HBB: variants seen among roughly 807,000 people sequenced by gnomAD.
HBB encodes hemoglobin subunit beta, also known as Hb Monza protein.
In HBB, 18 loss-of-function variants were observed where a neutral mutation model predicts 9.7. The observed-to-expected ratio is 1.86, with a 90% confidence interval of 1.28 to 2.76. The LOEUF (loss-of-function observed/expected upper bound fraction) is 2.76, where lower values mean the gene tolerates loss of function less well. Among genes scored for constraint, HBB ranks in the 30% most tolerant of loss-of-function variants. The probability of loss-of-function intolerance (pLI) is 0.00; values close to 1 mark genes in which losing one functional copy is unlikely to be tolerated. For missense variants in HBB, 156 were observed against 177.0 expected (o/e 0.88, Z 0.67); for synonymous variants, 99 against 73.6 (o/e 1.35, Z -1.77).
At chr11:5,226,884 G>C in intron 1 of HBB, 46 bp downstream of exon 1, 1 of 1,590,712 alleles carries the variant, frequency 6.3e-7, no homozygotes, top group South Asian at 1.1e-5. Flanking sequence ...CACATGCCCA[G>C]TTTCTATTGG....
rs770630710 is a variant in HBB, at chr11:5,226,563, T to TCC, written c.315+12_315+13dup. 5 of 1,611,248 alleles carry TCC rather than the reference T, an allele frequency of 3.1e-6. No homozygotes were observed. The Admixed American group carries it at 8.3e-5, about 27-fold the overall frequency. On this transcript the variant is annotated intron_variant, in intron 2 of 2. Coordinates refer to ENST00000335295, the MANE Select transcript of HBB (RefSeq NM_000518.5). ...AGAAGGGGAAAGAAAACATCAAGCG[T>TCC]CCCATAGACTCACCCTGAAGTTCTC...
Position 5,226,365 on chromosome 11 carries a change from A to C in HBB, c.315+212T>G, listed in dbSNP as rs2133587368. ...ATAATAGTAAAAATTGCGGAGAAGAAAAAAAAAGAAAGCAAGAATTAAACA... is the reference window on the plus strand; with the variant it reads ...ATAATAGTAAAAATTGCGGAGAAGACAAAAAAAGAAAGCAAGAATTAAACA... On this transcript the variant is annotated intron_variant, in intron 2 of 2. Coordinates refer to ENST00000335295, the MANE Select transcript of HBB (RefSeq NM_000518.5). 1.6e-6 allele frequency: 1 copy of C among 614,188 alleles called. No individual in the cohort carries two copies. Among genetic ancestry groups the C allele is most frequent in the Non-Finnish European group, 2.9e-6 (1 of 350,158 alleles). The allele number at this position is 614,188 out of a possible 1,614,324, so 38.0% of individuals were successfully genotyped here. A position where few individuals can be genotyped will look rare whatever the true frequency, so the allele number is the denominator to read the frequency against.
In HBB at chr11:5,226,932, G is replaced by T. The variant is rs35578002; in HGVS notation, c.90C>A (p.Gly30=). 2.5e-6 allele frequency: 4 copies of T among 1,612,532 alleles called. No individual in the cohort carries two copies. Among genetic ancestry groups the T allele is most frequent in the African/African-American group, 2.7e-5 (2 of 74,978 alleles). The change falls in exon 1 of 3, where the codon GGC becomes GGA. Residue 30 remains glycine (G), a splice_region_variant and synonymous_variant. Transcript: ENST00000335295. ...TGTCTTGTAACCTTGATACCAACCT[G>T]CCCAGGGCCTCACCACCAACTTCAT... is the stretch of plus-strand genomic sequence containing the variant. ...NVDEVGGEAL[G]RLLVVYPWTQ...
chr11:5,226,944 A>C lies in HBB; in HGVS notation c.78T>G (p.Gly26=), dbSNP rs373379910. 17 of 1,613,562 alleles carry C rather than the reference A, an allele frequency of 1.1e-5. No homozygotes were observed. The highest frequency in any genetic ancestry group is 1.4e-5 in the Non-Finnish European group (17 of 1,179,576). ...TTGATACCAACCTGCCCAGGGCCTC[A>C]CCACCAACTTCATCCACGTTCACCT... is the stretch of plus-strand genomic sequence containing the variant. The part of the protein sequence containing the change: ...WGKVNVDEVG[G]EALGRLLVVY... Residue 26 remains glycine (G), a synonymous_variant, in exon 1 of 3, where the codon GGT becomes GGG. Coordinates refer to ENST00000335295, the MANE Select transcript of HBB (RefSeq NM_000518.5).
In HBB at chr11:5,225,709, C is replaced by T. The variant is rs1215164743; in HGVS notation, c.333G>A (p.Leu111=). The T allele has an allele frequency of 1.9e-6, 3 of 1,614,096 alleles. No individual in the cohort carries two copies. Among genetic ancestry groups the T allele is most frequent in the East Asian group, 2.2e-5 (1 of 44,874 alleles). ...PENFRLLGNV[L]VCVLAHHFGK... ...CAAAGTGATGGGCCAGCACACAGAC[C>T]AGCACGTTGCCCAGGAGCTGTGGGA... The change falls in exon 3 of 3, where the codon CTG becomes CTA. Residue 111 remains leucine, a synonymous_variant. Transcript: ENST00000335295.
In HBB at chr11:5,226,641, C is replaced by T. The variant is rs1803195; in HGVS notation, c.251G>A (p.Gly84Asp). 6.2e-7 allele frequency: 1 copy of T among 1,614,092 alleles called. No individual in the cohort carries two copies. Among genetic ancestry groups the T allele is most frequent in the South Asian group, 1.1e-5 (1 of 91,074 alleles). Residue 84 changes from glycine to aspartate, a missense_variant, in exon 2 of 3, where the codon GGC becomes GAC. Transcript: ENST00000335295. ...CAGCTCACTCAGTGTGGCAAAGGTG[C>T]CCTTGAGGTTGTCCAGGTGAGCCAG... ...DGLAHLDNLK[G>D]TFATLSELHC... is the part of the protein sequence containing the mutation.
At position 5,226,347 on chromosome 11, in the gene HBB, T is replaced by TA. The variant is rs1282253170; in HGVS notation, c.315+229dup. On this transcript the variant is annotated intron_variant, in intron 2 of 2. Coordinates refer to ENST00000335295, the MANE Select transcript of HBB (RefSeq NM_000518.5). The stretch of plus-strand genomic sequence containing the variant: ...AATGTTAAGGCATTAAGTATAATAG[T>TA]AAAAATTGCGGAGAAGAAAAAAAAA... The TA allele has an allele frequency of 3.3e-6, 2 of 603,116 alleles. No homozygotes were observed. The highest frequency in any genetic ancestry group is 3.8e-5 in the African/African-American group (2 of 53,276). The allele number at this position is 603,116 out of a possible 1,614,324, so 37.4% of individuals were successfully genotyped here. A position where few individuals can be genotyped will look rare whatever the true frequency, so the allele number is the denominator to read the frequency against.
rs63750433 is a variant in HBB, at chr11:5,225,816, T to C, written c.316-90A>G. ...ATCCAGCCTTATCCCAACCATAAAATAAAAGCAGAATGGTAGCTGGATTGT... is the reference window on the plus strand; with the variant it reads ...ATCCAGCCTTATCCCAACCATAAAACAAAAGCAGAATGGTAGCTGGATTGT... On this transcript the variant is annotated intron_variant, in intron 2 of 2. Transcript: ENST00000335295. The C allele has an allele frequency of 4.4e-6, 6 of 1,373,980 alleles. No individual in the cohort carries two copies. In the East Asian group the frequency reaches 1.1e-4, roughly 26 times the overall value. 85.1% of individuals were successfully genotyped at this position (1,373,980 alleles called of 1,614,324 possible).
At position 5,226,278 on chromosome 11, in the gene HBB, A is replaced by T; in HGVS notation, c.315+299T>A. The T allele has an allele frequency of 7.4e-6, 4 of 539,358 alleles. No homozygotes were observed. Among genetic ancestry groups the T allele is most frequent in the East Asian group, 3.1e-5 (1 of 32,360 alleles). 33.4% of individuals were successfully genotyped at this position (539,358 alleles called of 1,614,324 possible). ...GGCAGACTGTGTAAAGTTTTTTTTT[A>T]AGTTACTTAATGTATCTCAGAGATA... On this transcript the variant is annotated intron_variant, in intron 2 of 2. Transcript: ENST00000335295.
Position 5,226,530 on chromosome 11 carries a change from C to G in HBB, c.315+47G>C, listed in dbSNP as rs1589892198. On this transcript the variant is annotated intron_variant, in intron 2 of 2. Coordinates refer to ENST00000335295, the MANE Select transcript of HBB (RefSeq NM_000518.5). ...CCCCTTCCTATGACATGAACTTAACCATAGAAAAGAAGGGGAAAGAAAACA... is the reference window on the plus strand; with the variant it reads ...CCCCTTCCTATGACATGAACTTAACGATAGAAAAGAAGGGGAAAGAAAACA... The G allele has an allele frequency of 2.6e-6, 4 of 1,552,438 alleles. No individual in the cohort carries two copies. The highest frequency in any genetic ancestry group is 1.7e-5 in the Admixed American group (1 of 59,900).
chr11:5,225,709 C>A lies in HBB; in HGVS notation c.333G>T (p.Leu111=). ...PENFRLLGNV[L]VCVLAHHFGK... ...CAAAGTGATGGGCCAGCACACAGACCAGCACGTTGCCCAGGAGCTGTGGGA... is the reference window on the plus strand; with the variant it reads ...CAAAGTGATGGGCCAGCACACAGACAAGCACGTTGCCCAGGAGCTGTGGGA... Residue 111 remains leucine (L), a synonymous_variant, in exon 3 of 3, where the codon CTG becomes CTT. Transcript: ENST00000335295. 2 of 1,614,096 alleles carry A rather than the reference C, an allele frequency of 1.2e-6. No homozygotes were observed. Among genetic ancestry groups the A allele is most frequent in the Non-Finnish European group, 1.7e-6 (2 of 1,179,982 alleles).
In HBB at chr11:5,225,910, A is replaced by G. The variant is rs193922557; in HGVS notation, c.316-184T>C. Among the ~76,000 whole-genome samples, 2 of 152,336 alleles carry G rather than the reference A, an allele frequency of 1.3e-5. No homozygotes were observed. The highest frequency in any genetic ancestry group is 3.9e-4 in the East Asian group (2 of 5,184). On this transcript the variant is annotated intron_variant, in intron 2 of 2. Transcript: ENST00000335295. ...TATATGCAGAAATATTTATATGCAG[A>G]GATATTGCTATTGCCTTAACCCAGA...
chr11:5,226,835 G>A lies in HBB; in HGVS notation c.93-36C>T, dbSNP rs199587927. On this transcript the variant is annotated intron_variant, in intron 1 of 2. Transcript: ENST00000335295. ...GAAAATAGACCAATAGGCAGAGAGA[G>A]TCAGTGCCTATCAGAAACCCAAGAG... The A allele has an allele frequency of 6.3e-6, 10 of 1,592,420 alleles. No homozygotes were observed. The East Asian group carries it at 1.3e-4, about 21-fold the overall frequency.
rs33985847 is a variant in HBB, at chr11:5,226,662, G to T, written c.230C>A (p.Ala77Asp). 1 of 1,614,090 alleles carries T rather than the reference G, an allele frequency of 6.2e-7. No homozygotes were observed. The highest frequency in any genetic ancestry group is 8.5e-7 in the Non-Finnish European group (1 of 1,180,030). The change falls in exon 2 of 3, where the codon GCT becomes GAT. Residue 77 changes from alanine (A) to aspartate (D), a missense_variant. Transcript: ENST00000335295. ...KVLGAFSDGL[A>D]HLDNLKGTFA... is the part of the protein sequence containing the mutation. Reference sequence around the variant, plus strand: ...GGTGCCCTTGAGGTTGTCCAGGTGAGCCAGGCCATCACTAAAGGCACCGAG... The same window carrying T: ...GGTGCCCTTGAGGTTGTCCAGGTGATCCAGGCCATCACTAAAGGCACCGAG...
chr11:5,226,507 C>A, intron 2 of HBB, 70 bp downstream of exon 2: 1 of 1,391,120 alleles, frequency 7.2e-7, no homozygotes, highest in Non-Finnish European at 1.0e-6. Flanking sequence ...TTACTTATCC[C>A]CTTCCTATGA....
In HBB at chr11:5,226,911, T is replaced by G; in HGVS notation, c.92+19A>C. ...TTCTATTGGTCTCCTTAAACCTGTCTTGTAACCTTGATACCAACCTGCCCA... is the reference window on the plus strand; with the variant it reads ...TTCTATTGGTCTCCTTAAACCTGTCGTGTAACCTTGATACCAACCTGCCCA... On this transcript the variant is annotated intron_variant, in intron 1 of 2. Coordinates refer to ENST00000335295, the MANE Select transcript of HBB (RefSeq NM_000518.5). The G allele has an allele frequency of 6.2e-7, 1 of 1,608,978 alleles. No individual in the cohort carries two copies. The highest frequency in any genetic ancestry group is 8.5e-7 in the Non-Finnish European group (1 of 1,175,324).
In HBB at chr11:5,226,421, A is replaced by G. The variant is rs981149711; in HGVS notation, c.315+156T>C. The G allele has an allele frequency of 1.5e-5, 11 of 717,266 alleles. No homozygotes were observed. Among genetic ancestry groups the G allele is most frequent in the Admixed American group, 2.6e-5 (1 of 38,834 alleles). The allele number at this position is 717,266 out of a possible 1,614,324, so 44.4% of individuals were successfully genotyped here. On this transcript the variant is annotated intron_variant, in intron 2 of 2. Coordinates refer to ENST00000335295, the MANE Select transcript of HBB (RefSeq NM_000518.5). ...AAACAATTGTTATGAACAGCAAATA[A>G]AAGAAACTAAAACGATCCTGAGACT...
At position 5,225,828 on chromosome 11, in the gene HBB, G is replaced by T. The variant is rs1468940510; in HGVS notation, c.316-102C>A. Reference sequence around the variant, plus strand: ...CCCAACCATAAAATAAAAGCAGAATGGTAGCTGGATTGTAGCTGCTATTAG... The same window carrying T: ...CCCAACCATAAAATAAAAGCAGAATTGTAGCTGGATTGTAGCTGCTATTAG... On this transcript the variant is annotated intron_variant, in intron 2 of 2. Transcript: ENST00000335295. The T allele has an allele frequency of 2.0e-5, 24 of 1,220,594 alleles. No individual in the cohort carries two copies. Among genetic ancestry groups the T allele is most frequent in the African/African-American group, 1.5e-5 (1 of 67,246 alleles). 75.6% of individuals were successfully genotyped at this position (1,220,594 alleles called of 1,614,324 possible).
rs1345546304 is a variant in HBB at position 5,225,555 on chromosome 11, A to G, written c.*43T>C. On this transcript the variant is annotated 3_prime_UTR_variant, in exon 3 of 3. Coordinates refer to ENST00000335295, the MANE Select transcript of HBB (RefSeq NM_000518.5). ...CCAGTTTAGTAGTTGGACTTAGGGA[A>G]CAAAGGAACCTTTAATAGAAATTGG... 1 of 1,609,890 alleles carries G rather than the reference A, an allele frequency of 6.2e-7. No individual in the cohort carries two copies.
Sources: allele counts gnomAD v4.1 joint callset (sites outside exome capture counted in the v4.1 genomes callset), GRCh38; gene constraint gnomAD v4.1.1; transcripts MANE v1.5; gene names NCBI Gene and HGNC (gene_info 2026-07-23, HGNC 2026-07-21).